The following ITGB8 variants were observed in gnomAD, a reference collection of about 807,000 sequenced individuals.
ITGB8 encodes integrin beta-8.
Under a neutral mutation model 89.5 loss-of-function variants are expected in ITGB8, and 30 were observed. That is an observed-to-expected ratio of 0.34 (90% CI 0.25 to 0.45). ITGB8 has a LOEUF of 0.45. Ranked by LOEUF, ITGB8 falls within the 20% of genes least tolerant of loss-of-function variation. The pLI, the probability that ITGB8 is intolerant of heterozygous loss-of-function variation, is 1.00. For synonymous variants in ITGB8, 335 were observed against 320.4 expected, an observed-to-expected ratio of 1.05 and a Z score of -0.49; for missense variants, 836 against 933.3, an observed-to-expected ratio of 0.90 and a Z score of 1.36.
intron 4 of ITGB8, chr7:20,379,871 A>G (rs908279542): frequency 2.0e-5 from 3 of 152,226 alleles, no homozygotes; most frequent in African/African-American, 7.2e-5. Flanking sequence ...CTGATTCTAA[A>G]TAACATATGT....
chr7:20,351,020 C>A (rs1785096884), intron 1 of ITGB8, among the ~76,000 whole-genome samples: 1 of 152,046 alleles, frequency 6.6e-6, no homozygotes, highest in Admixed American at 6.5e-5. Flanking sequence ...GAAAAGGGTA[C>A]CAAAGTATTT....
At chr7:20,374,027 C>T (rs770881582) in intron 3 of ITGB8, among the ~76,000 whole-genome samples, 1 of 152,186 alleles carries the variant, frequency 6.6e-6, no homozygotes, top group Non-Finnish European at 1.5e-5. Flanking sequence ...GCCACAGACT[C>T]ACTTCTTCCC....
intron 1 of ITGB8, among the ~76,000 whole-genome samples, chr7:20,354,545 G>C (rs1785223966): frequency 6.6e-6 from 1 of 152,170 alleles, no homozygotes; most frequent in African/African-American, 2.4e-5. Context: ...AGTTCTGAGA[G>C]TAAACGAGCA....
At chr7:20,401,602 C>A (rs1787312021) in intron 9 of ITGB8, 119 bp from the exon 10 acceptor site, 1 of 592,862 alleles carries the variant, frequency 1.7e-6, no homozygotes, top group East Asian at 3.1e-5. Flanking sequence ...GTTTCTTTTA[C>A]AAATATCGTT....
intron 1 of ITGB8, among the ~76,000 whole-genome samples, chr7:20,363,301 C>A (rs1057160262): frequency 6.6e-6 from 1 of 152,254 alleles, no homozygotes; most frequent in African/African-American, 2.4e-5. Context: ...GTGAAACTTA[C>A]TAAACTTTCT....
intron 1 of ITGB8, among the ~76,000 whole-genome samples, chr7:20,341,733 G>C (rs1417378177): frequency 1.1e-4 from 16 of 152,138 alleles, no homozygotes; most frequent in Non-Finnish European, 2.4e-4. Flanking sequence ...TTGGCTACTT[G>C]GGGGTCAGCA....
intron 8 of ITGB8, among the ~76,000 whole-genome samples, chr7:20,395,403 T>A (rs952557608): frequency 6.6e-6 from 1 of 152,232 alleles, no homozygotes; most frequent in Admixed American, 6.5e-5. Context: ...ATAGCAATTA[T>A]TAAGAGGAGT....
At chr7:20,392,624 C>T (rs139263704) in intron 7 of ITGB8, among the ~76,000 whole-genome samples, 1,624 of 152,178 alleles carry the variant, frequency 0.011, 26 homozygotes, top group Non-Finnish European at 0.013. Flanking sequence ...GTCTGTCACT[C>T]GAATAGCACA....
Position 20,415,419 on chromosome 7 carries a change from A to G in ITGB8, c.*5422A>G, listed in dbSNP as rs1215221238. The G allele has an allele frequency of 1.3e-5, 2 of 152,348 alleles. No homozygotes were observed. The highest frequency in any genetic ancestry group is 2.4e-5 in the African/African-American group (1 of 41,458). The allele number at this position is 152,348 out of a possible 1,614,324, so 9.4% of individuals were successfully genotyped here. On this transcript the variant is annotated 3_prime_UTR_variant, in exon 14 of 14. Transcript: ENST00000222573. ...AAATATTTGAATATAAAATAGCTCT[A>G]AGAAAGAAGCAAATTATCACTGAAC...
intron 1 of ITGB8, among the ~76,000 whole-genome samples, chr7:20,351,966 G>T (rs536702463): frequency 1.3e-5 from 2 of 152,282 alleles, no homozygotes; most frequent in Admixed American, 1.3e-4. Context: ...GAACTCTAGT[G>T]TGTTAGATTG....
chr7:20,353,984 CAT>C (rs1243586954), intron 1 of ITGB8, among the ~76,000 whole-genome samples: 2 of 126,170 alleles, frequency 1.6e-5, no homozygotes, highest in Non-Finnish European at 3.4e-5. Context: ...TTTGTGGAAA[CAT>C]AGAGATGAAT....
In ITGB8 at chr7:20,404,762, G is replaced by A; in HGVS notation, c.1822G>A (p.Val608Met). 6.2e-7 allele frequency: 1 copy of A among 1,614,226 alleles called. No individual in the cohort carries two copies. Among genetic ancestry groups the A allele is most frequent in the Non-Finnish European group, 8.5e-7 (1 of 1,180,040 alleles). ...AGTGTGCAGTGGAAGAGGCACGTGTGTGTGTGGAAGGTGTGAGTGCACCGA... is the reference window on the plus strand; with the variant it reads ...AGTGTGCAGTGGAAGAGGCACGTGTATGTGTGGAAGGTGTGAGTGCACCGA... Reference protein sequence around the residue: ...GQVCSGRGTCVCGRCECTDPR... With the variant: ...GQVCSGRGTCMCGRCECTDPR... Residue 608 changes from valine to methionine, a missense_variant, in exon 11 of 14, where the codon GTG (valine) becomes ATG (methionine). Physicochemically the swap from Val to Met is conservative, Grantham distance 21 (BLOSUM62 1). Around this residue, in one of 5 missense-constraint regions of ITGB8, gnomAD observed 422 missense variants for 416.9 expected, o/e 1.01. Coordinates refer to ENST00000222573, the MANE Select transcript of ITGB8 (RefSeq NM_002214.3).
intron 4 of ITGB8, 62 bp from the exon 5 acceptor site, chr7:20,380,604 A>T: frequency 1.5e-6 from 2 of 1,339,222 alleles, no homozygotes; most frequent in Non-Finnish European, 2.1e-6. Context: ...TTTTACTGTT[A>T]AGTATTCCAG....
rs574358525 is a variant in ITGB8, at chr7:20,404,685, G to A, written c.1745G>A (p.Arg582Gln). The A allele has an allele frequency of 1.8e-5, 29 of 1,614,066 alleles. No homozygotes were observed. The highest frequency in any genetic ancestry group is 1.1e-4 in the African/African-American group (8 of 75,034). The change falls in exon 11 of 14, where the codon CGA becomes CAA. Residue 582 changes from arginine to glutamine, a missense_variant. By Grantham distance (43) the Arg-to-Gln change is conservative. This residue lies in a region of ITGB8 where 422 missense variants were observed against 416.9 expected (regional missense o/e 1.01). Transcript: ENST00000222573. ...CQCFSGWEGD[R>Q]CQCPSAAAQH... Reference sequence around the variant, plus strand: ...TGCTTCAGTGGCTGGGAAGGTGATCGATGCCAGTGCCCTTCAGCAGCAGCC... The same window carrying A: ...TGCTTCAGTGGCTGGGAAGGTGATCAATGCCAGTGCCCTTCAGCAGCAGCC...
In ITGB8 at chr7:20,410,009, T is replaced by C; in HGVS notation, c.*12T>C. 1 of 1,604,162 alleles carries C rather than the reference T, an allele frequency of 6.2e-7. No individual in the cohort carries two copies. Among genetic ancestry groups the C allele is most frequent in the Non-Finnish European group, 8.5e-7 (1 of 1,176,192 alleles). On this transcript the variant is annotated 3_prime_UTR_variant, in exon 14 of 14. Transcript: ENST00000222573. ...GGTGCAACTTCTAAAAAAAGATTTT[T>C]AAACACTTAATGGGAAACTGGAATT... is the stretch of plus-strand genomic sequence containing the variant.
chr7:20,391,363 T>C (rs369067951), intron 6 of ITGB8, 40 bp from the exon 7 acceptor site: 3 of 1,135,304 alleles, frequency 2.6e-6, no homozygotes, highest in Admixed American at 2.0e-5. Flanking sequence ...GATGGAGCTA[T>C]GAAATTTCAT....
chr7:20,386,165 T>C (rs1415132692), intron 6 of ITGB8, among the ~76,000 whole-genome samples: 1 of 152,126 alleles, frequency 6.6e-6, no homozygotes, highest in African/African-American at 2.4e-5. Context: ...TTCCATCTTT[T>C]GGGGCATCGA....
At chr7:20,389,032 C>G (rs1158831160) in intron 6 of ITGB8, among the ~76,000 whole-genome samples, 1 of 152,158 alleles carries the variant, frequency 6.6e-6, no homozygotes, top group Non-Finnish European at 1.5e-5. Context: ...TTTATCCAGT[C>G]TATCATTGAT....
chr7:20,363,589 G>T (rs770387140), intron 1 of ITGB8, 48 bp from the exon 2 acceptor site: 1 of 1,117,306 alleles, frequency 9.0e-7, no homozygotes, highest in East Asian at 2.5e-5. Context: ...AATTATATAC[G>T]CTTTCTATTT....
Sources: gnomAD v4.1 joint callset for allele counts (sites outside exome capture counted in the v4.1 genomes callset) on GRCh38, gnomAD v4.1.1 for gene constraint, gnomAD v4.1.1 regional missense constraint, MANE v1.5 for transcripts, NCBI Gene and HGNC (gene_info 2026-07-23, HGNC 2026-07-21) for gene names.